INTS9: variants seen among roughly 807,000 people sequenced by gnomAD.
INTS9 encodes the protein protein related to CPSF subunits of 74 kDa.
INTS9 carries 55 observed loss-of-function variants against 79.7 expected under a neutral mutation model. That is an observed-to-expected ratio of 0.69 (90% CI 0.56 to 0.86). The LOEUF (loss-of-function observed/expected upper bound fraction) is 0.86. Ranked by LOEUF, INTS9 falls within the 40% of genes least tolerant of loss-of-function variation. The probability of loss-of-function intolerance (pLI) is 0.00; values close to 1 mark genes in which losing one functional copy is unlikely to be tolerated. For synonymous variants in INTS9, 319 were observed against 325.2 expected (o/e 0.98, Z 0.20); for missense variants, 721 against 831.5 (o/e 0.87, Z 1.64).
chr8:28,840,128 A>C (rs1309214638), intron 4 of INTS9, among the ~76,000 whole-genome samples: 95 of 120,928 alleles, frequency 7.9e-4, no homozygotes, highest in South Asian at 1.4e-3. Context: ...AAAAGTGGGC[A>C]AAGGACATGA....
intron 6 of INTS9, among the ~76,000 whole-genome samples, chr8:28,814,070 TA>T (rs771902608): frequency 0.033 from 4,739 of 141,598 alleles, 200 homozygotes; most frequent in African/African-American, 0.098. Flanking sequence ...TTTCTTTTTT[TA>T]AAAAAAAAAA....
chr8:28,850,183 T>C (rs199607601), intron 3 of INTS9, 30 bp downstream of exon 3: 54 of 1,583,852 alleles, frequency 3.4e-5, no homozygotes, highest in Non-Finnish European at 4.5e-5. Flanking sequence ...TGGCTGTAGA[T>C]AGGCTTTAGT....
chr8:28,804,221 C>G (rs1460915827), intron 8 of INTS9, among the ~76,000 whole-genome samples: 2 of 152,132 alleles, frequency 1.3e-5, no homozygotes, highest in African/African-American at 4.8e-5. Flanking sequence ...CCAATATGCT[C>G]TGCCACACTC....
intron 1 of INTS9, among the ~76,000 whole-genome samples, chr8:28,870,334 AG>A: frequency 1.0e-5 from 1 of 99,486 alleles, no homozygotes; most frequent in Non-Finnish European, 2.2e-5. Context: ...TTTTTTTTTT[AG>A]AATCAGAAAA....
chr8:28,839,579 G>A (rs995142763), intron 4 of INTS9, among the ~76,000 whole-genome samples: 1 of 152,102 alleles, frequency 6.6e-6, no homozygotes, highest in African/African-American at 2.4e-5. Flanking sequence ...CATGGTACTG[G>A]TACCAAAACA....
At chr8:28,851,355 A>G (rs977960406) in intron 2 of INTS9, among the ~76,000 whole-genome samples, 1 of 151,974 alleles carries the variant, frequency 6.6e-6, no homozygotes, top group Non-Finnish European at 1.5e-5. Flanking sequence ...ATGGTGAAAA[A>G]CCTGAATAAA....
chr8:28,850,641 C>A (rs1448198145), intron 2 of INTS9, among the ~76,000 whole-genome samples: 3 of 152,218 alleles, frequency 2.0e-5, no homozygotes, highest in Non-Finnish European at 2.9e-5. Context: ...TAGGCATCAT[C>A]TTATTGCAGA....
chr8:28,823,325 T>G (rs953194245), intron 6 of INTS9, among the ~76,000 whole-genome samples: 1 of 152,114 alleles, frequency 6.6e-6, no homozygotes, highest in Non-Finnish European at 1.5e-5. Context: ...AGGAGGAAAG[T>G]AACATTTTTA....
intron 6 of INTS9, among the ~76,000 whole-genome samples, chr8:28,818,363 G>T (rs1028618575): frequency 2.7e-5 from 4 of 150,712 alleles, no homozygotes; most frequent in African/African-American, 7.3e-5. Flanking sequence ...TAGCATGAAG[G>T]GTTGTTGAAT....
rs907699371 is a variant in INTS9 at position 28,889,886 on chromosome 8, G to T, written c.-4C>A. The T allele has an allele frequency of 6.2e-7, 1 of 1,613,460 alleles. No individual in the cohort carries two copies. Among genetic ancestry groups the T allele is most frequent in the Non-Finnish European group, 8.5e-7 (1 of 1,179,666 alleles). On this transcript the variant is annotated 5_prime_UTR_variant, in exon 1 of 17. Coordinates refer to ENST00000521022, the MANE Select transcript of INTS9 (RefSeq NM_018250.4). ...AGCGAAGACTCACCAGTTTCATAAT[G>T]GACTTTTGGTGGTTCAATAGCAGTC...
chr8:28,877,756 C>A (rs1288381178), intron 1 of INTS9, among the ~76,000 whole-genome samples: 4 of 152,142 alleles, frequency 2.6e-5, no homozygotes. Context: ...TATATTGACA[C>A]TAGTTTCATA....
intron 6 of INTS9, among the ~76,000 whole-genome samples, chr8:28,820,280 G>C (rs1407903368): frequency 6.6e-6 from 1 of 152,222 alleles, no homozygotes; most frequent in Non-Finnish European, 1.5e-5. Flanking sequence ...TGATTTTGCA[G>C]TGGCTGGTAC....
At chr8:28,805,523 C>T (rs532535457) in intron 8 of INTS9, among the ~76,000 whole-genome samples, 1 of 152,262 alleles carries the variant, frequency 6.6e-6, no homozygotes, top group African/African-American at 2.4e-5. Context: ...CAATATATCT[C>T]AATGAAGATC....
intron 4 of INTS9, among the ~76,000 whole-genome samples, chr8:28,845,184 C>T (rs1281810677): frequency 6.6e-6 from 1 of 152,198 alleles, no homozygotes; most frequent in African/African-American, 2.4e-5. Flanking sequence ...CCCTCATTTA[C>T]TGGTTGCGTA....
intron 1 of INTS9, among the ~76,000 whole-genome samples, chr8:28,880,244 C>G (rs1809633008): frequency 7.4e-6 from 1 of 135,662 alleles, no homozygotes; most frequent in African/African-American, 3.0e-5. Context: ...CTCCCTCTCC[C>G]TCTCCCTCTC....
chr8:28,771,154 C>T (rs1563237101), intron 14 of INTS9, 74 bp from the exon 15 acceptor site: 1 of 1,035,044 alleles, frequency 9.7e-7, no homozygotes, highest in Non-Finnish European at 1.5e-6. Flanking sequence ...TCTGTATTTA[C>T]ATCACTGCAG....
intron 1 of INTS9, among the ~76,000 whole-genome samples, chr8:28,887,178 T>G (rs1810213691): frequency 6.6e-6 from 1 of 152,142 alleles, no homozygotes; most frequent in Admixed American, 6.5e-5. Flanking sequence ...ATGAAGAAAT[T>G]AGCCAGGCAA....
Position 28,780,884 on chromosome 8 carries a change from C to T in INTS9, c.1209G>A (p.Gly403=). Reference sequence around the variant, plus strand: ...AGAGCTCCATGAAGTGGACCACGTCCCCGAAGCGGAGGGAAGGGTGCCCGG... The same window carrying T: ...AGAGCTCCATGAAGTGGACCACGTCTCCGAAGCGGAGGGAAGGGTGCCCGG... ...VFTGHPSLRF[G]DVVHFMELWG... is the part of the protein sequence containing the mutation. The change falls in exon 12 of 17, where the codon GGG becomes GGA. Residue 403 remains glycine (G), a synonymous_variant. Transcript: ENST00000521022. 2 of 1,614,132 alleles carry T rather than the reference C, an allele frequency of 1.2e-6. No individual in the cohort carries two copies. The highest frequency in any genetic ancestry group is 4.5e-5 in the East Asian group (2 of 44,876).
chr8:28,853,808 T>C (rs1807990845), intron 2 of INTS9, among the ~76,000 whole-genome samples: 1 of 152,030 alleles, frequency 6.6e-6, no homozygotes, highest in South Asian at 2.1e-4. Flanking sequence ...GAGTCCCACC[T>C]CCTGGGTTTG....
Sources: allele counts gnomAD v4.1 joint callset (sites outside exome capture counted in the v4.1 genomes callset), GRCh38; gene constraint gnomAD v4.1.1; transcripts MANE v1.5; gene names NCBI Gene and HGNC (gene_info 2026-07-23, HGNC 2026-07-21).